Variants in MARCHF3 observed in about 807,000 individuals in gnomAD.
MARCHF3 encodes the protein E3 ubiquitin-protein ligase MARCHF3.
MARCHF3 carries 13 observed loss-of-function variants against 24.2 expected under a neutral mutation model. The observed-to-expected ratio is 0.54, with a 90% confidence interval of 0.35 to 0.85. The LOEUF is 0.85. Among genes scored for constraint, MARCHF3 ranks in the 40% least tolerant of loss-of-function variants. The probability of loss-of-function intolerance (pLI) is 0.01; values close to 1 mark genes in which losing one functional copy is unlikely to be tolerated. For missense variants in MARCHF3, 276 were observed against 325.0 expected (o/e 0.85, Z 1.16); for synonymous variants, 144 against 137.3 (o/e 1.05, Z -0.34).
At chr5:126,917,842 T>G in intron 2 of MARCHF3, 142 bp downstream of exon 2, 1 of 793,994 alleles carries the variant, frequency 1.3e-6, no homozygotes, top group Non-Finnish European at 1.9e-6. Flanking sequence ...AGAACTCGTG[T>G]AGTCTTTTTT....
chr5:126,991,936 T>G (rs1221464763), intron 1 of MARCHF3, among the ~76,000 whole-genome samples: 1 of 152,206 alleles, frequency 6.6e-6, no homozygotes, highest in Non-Finnish European at 1.5e-5. Context: ...CAACAGGGTT[T>G]GTCAACTGGG....
intron 1 of MARCHF3, chr5:127,030,064 G>T (rs1753129919): frequency 6.6e-6 from 1 of 152,366 alleles, no homozygotes; most frequent in Admixed American, 6.5e-5. Context: ...GCTCCATGTC[G>T]TTGCCGCAGA....
chr5:126,907,029 G>C (rs1437172560), intron 3 of MARCHF3, among the ~76,000 whole-genome samples: 2 of 151,800 alleles, frequency 1.3e-5, no homozygotes, highest in Non-Finnish European at 2.9e-5. Flanking sequence ...CTTTGTTGTC[G>C]TTGGTTTCAA....
chr5:126,895,164 C>A (rs1278182638), intron 3 of MARCHF3, among the ~76,000 whole-genome samples: 2 of 152,064 alleles, frequency 1.3e-5, no homozygotes, highest in Non-Finnish European at 2.9e-5. Context: ...GCTCCATCAG[C>A]TCCTTTAAGC....
chr5:126,958,245 A>T (rs1343282975), intron 1 of MARCHF3, among the ~76,000 whole-genome samples: 1 of 152,176 alleles, frequency 6.6e-6, no homozygotes, highest in Non-Finnish European at 1.5e-5. Context: ...CTGAATGATC[A>T]TGATGACAGG....
At chr5:126,986,324 C>T (rs1751565098) in intron 1 of MARCHF3, among the ~76,000 whole-genome samples, 1 of 152,130 alleles carries the variant, frequency 6.6e-6, no homozygotes, top group African/African-American at 2.4e-5. Flanking sequence ...TTAAAGCATT[C>T]AAAATCTCTA....
rs1234680524 is a variant in MARCHF3, at chr5:126,995,298, G to A, written c.-57+35052C>T. On this transcript the variant is annotated intron_variant, in intron 1 of 4. Coordinates refer to ENST00000308660, the MANE Select transcript of MARCHF3 (RefSeq NM_178450.5). ...ATCAATTGAGCCAATGTACCAGTGT[G>A]CAACTGGATGTTTTCAAGCCTGTTC... 2.0e-5 allele frequency among the ~76,000 whole-genome samples: 3 copies of A among 152,224 alleles called. No individual in the cohort carries two copies. The East Asian group carries it at 5.8e-4, about 29-fold the overall frequency.
chr5:126,885,011 C>G (rs952695110), intron 3 of MARCHF3, among the ~76,000 whole-genome samples: 1 of 152,200 alleles, frequency 6.6e-6, no homozygotes, highest in African/African-American at 2.4e-5. Context: ...TCATTTTCAG[C>G]CTTTGCGCAT....
intron 1 of MARCHF3, among the ~76,000 whole-genome samples, chr5:126,959,453 C>T (rs976120734): frequency 6.6e-6 from 1 of 152,100 alleles, no homozygotes; most frequent in South Asian, 2.1e-4. Flanking sequence ...CAAGAGGAGT[C>T]CAAGGAGGCA....
chr5:126,925,513 A>G (rs2126800245), intron 1 of MARCHF3, among the ~76,000 whole-genome samples: 1 of 152,320 alleles, frequency 6.6e-6, no homozygotes, highest in South Asian at 2.1e-4. Context: ...TCCCTCAAGA[A>G]GTACTTATGA....
intron 3 of MARCHF3, among the ~76,000 whole-genome samples, chr5:126,882,072 CATAGAT>C (rs1365306981): frequency 1.3e-5 from 2 of 152,264 alleles, no homozygotes; most frequent in East Asian, 3.9e-4. Context: ...ATCCCCATTC[CATAGAT>C]ATAAACACCA....
chr5:126,919,323 G>A (rs959280728), intron 1 of MARCHF3, among the ~76,000 whole-genome samples: 4 of 152,196 alleles, frequency 2.6e-5, no homozygotes, highest in South Asian at 4.1e-4. Flanking sequence ...CAGTTTCATG[G>A]CTAGGAGTGC....
intron 1 of MARCHF3, among the ~76,000 whole-genome samples, chr5:126,977,263 C>T (rs939045907): frequency 6.6e-6 from 1 of 152,172 alleles, no homozygotes; most frequent in Non-Finnish European, 1.5e-5. Context: ...TTAGTAGTGG[C>T]TTATATAATT....
chr5:126,887,735 G>GGTATT (rs1753552026), intron 3 of MARCHF3, among the ~76,000 whole-genome samples: 1 of 152,266 alleles, frequency 6.6e-6, no homozygotes, highest in African/African-American at 2.4e-5. Flanking sequence ...CTACCTCAGA[G>GGTATT]CCTTACAGTG....
intron 1 of MARCHF3, among the ~76,000 whole-genome samples, chr5:127,003,548 G>C (rs140236215): frequency 9.9e-5 from 15 of 151,820 alleles, no homozygotes; most frequent in Non-Finnish European, 2.1e-4. Flanking sequence ...TCAGGAGATG[G>C]AGACCATCCT....
chr5:127,003,428 A>C (rs1752201523), intron 1 of MARCHF3, among the ~76,000 whole-genome samples: 1 of 149,568 alleles, frequency 6.7e-6, no homozygotes, highest in Non-Finnish European at 1.5e-5. Context: ...AGATCGCGCC[A>C]CTGCACTCCA....
chr5:126,999,178 AAC>A (rs1266943538), intron 1 of MARCHF3, among the ~76,000 whole-genome samples: 2 of 152,244 alleles, frequency 1.3e-5, no homozygotes, highest in African/African-American at 2.4e-5. Flanking sequence ...AGTTGGGGCA[AAC>A]ACATAAAAAA....
chr5:126,948,075 G>T (rs549948065), intron 1 of MARCHF3, among the ~76,000 whole-genome samples: 1 of 152,152 alleles, frequency 6.6e-6, no homozygotes, highest in East Asian at 1.9e-4. Context: ...AATCAAGCAG[G>T]AGCCAGGAAA....
intron 1 of MARCHF3, among the ~76,000 whole-genome samples, chr5:127,017,258 A>C (rs1432561836): frequency 6.6e-6 from 1 of 152,216 alleles, no homozygotes; most frequent in Non-Finnish European, 1.5e-5. Context: ...AACTTAAAGT[A>C]TGATAAAAAA....
Sources: allele counts gnomAD v4.1 joint callset (sites outside exome capture counted in the v4.1 genomes callset), GRCh38; gene constraint gnomAD v4.1.1; transcripts MANE v1.5; gene names NCBI Gene and HGNC (gene_info 2026-07-23, HGNC 2026-07-21).